RORA: variants seen among roughly 807,000 people sequenced by gnomAD.
RORA encodes nuclear receptor ROR-alpha.
RORA carries 7 observed loss-of-function variants against 69.5 expected under a neutral mutation model. The observed-to-expected ratio is 0.10, with a 90% confidence interval of 0.06 to 0.19. RORA has a LOEUF of 0.19. RORA is among the 10% of genes least tolerant of loss of function. RORA has a pLI of 1.00. For missense variants in RORA, 457 were observed against 663.0 expected, an observed-to-expected ratio of 0.69 and a Z score of 3.41; for synonymous variants, 261 against 240.8, an observed-to-expected ratio of 1.08 and a Z score of -0.78.
In RORA at chr15:60,704,276, G is replaced by T. The variant is rs183959711; in HGVS notation, c.167-25590C>A. 1.1e-4 allele frequency among the ~76,000 whole-genome samples: 16 copies of T among 152,366 alleles called. No individual in the cohort carries two copies. In the East Asian group the frequency reaches 3.1e-3, roughly 29 times the overall value. On this transcript the variant is annotated intron_variant, in intron 1 of 10. Coordinates refer to ENST00000335670, the MANE Select transcript of RORA (RefSeq NM_134261.3). ...TCATGGTTTGGTTTGGAGGTGAGTT[G>T]TAGGAGGGGCCACACCGGCATGCGG...
intron 1 of RORA, among the ~76,000 whole-genome samples, chr15:61,102,942 T>C (rs958473791): frequency 4.6e-5 from 7 of 152,200 alleles, no homozygotes; most frequent in Non-Finnish European, 1.0e-4. Context: ...TTCTGTATTT[T>C]GAATATGAAT....
chr15:60,906,760 T>C (rs1891555597), intron 1 of RORA, among the ~76,000 whole-genome samples: 1 of 152,180 alleles, frequency 6.6e-6, no homozygotes, highest in Non-Finnish European at 1.5e-5. Flanking sequence ...CGGTGGTTAA[T>C]AATAACTAAG....
At chr15:61,129,157 T>A (rs1410573787) in intron 1 of RORA, among the ~76,000 whole-genome samples, 1 of 152,198 alleles carries the variant, frequency 6.6e-6, no homozygotes, top group Non-Finnish European at 1.5e-5. Context: ...ATCTCCTATT[T>A]CTAGATATCT....
chr15:61,164,584 C>T (rs1215936618), intron 1 of RORA, among the ~76,000 whole-genome samples: 1 of 152,174 alleles, frequency 6.6e-6, no homozygotes, highest in African/African-American at 2.4e-5. Context: ...TTGGGTAGAT[C>T]ATATGAGCTC....
In RORA at chr15:61,213,671, CG is replaced by C. The variant is rs1281729008; in HGVS notation, c.166+15381del. ...TCAGTGAGCTTTCCCTAACTCCTCTCGGGGCATTTTCTCCTTCTTCTCTATG... is the reference window on the plus strand; with the variant it reads ...TCAGTGAGCTTTCCCTAACTCCTCTCGGGCATTTTCTCCTTCTTCTCTATG... On this transcript the variant is annotated intron_variant, in intron 1 of 10. Transcript: ENST00000335670. This position sits in a 1 kb window ranked among gnomAD's most constrained non-coding sequence, Gnocchi z 4.1. The C allele has an allele frequency of 6.6e-6, 1 of 152,160 alleles. No individual in the cohort carries two copies. The highest frequency in any genetic ancestry group is 1.5e-5 in the Non-Finnish European group (1 of 68,050). The allele number at this position is 152,160 out of a possible 1,614,324, so 9.4% of individuals were successfully genotyped here.
intron 2 of RORA, among the ~76,000 whole-genome samples, chr15:60,666,231 A>G (rs926086176): frequency 2.0e-5 from 3 of 147,782 alleles, no homozygotes; most frequent in Non-Finnish European, 4.5e-5. Context: ...GCAGTGGTGC[A>G]CTCTCTGCTA....
chr15:61,144,318 C>T (rs1028967809), intron 1 of RORA, among the ~76,000 whole-genome samples: 1 of 152,204 alleles, frequency 6.6e-6, no homozygotes, highest in East Asian at 1.9e-4. Context: ...TTGTCCCAAA[C>T]TGGTAAAAAA....
intron 2 of RORA, among the ~76,000 whole-genome samples, chr15:60,533,687 C>G (rs1161794324): frequency 6.6e-6 from 1 of 152,192 alleles, no homozygotes; most frequent in Non-Finnish European, 1.5e-5. Context: ...TTATTGCCTG[C>G]TTTTCCCTAC....
intron 1 of RORA, 54 bp from the exon 2 acceptor site, chr15:60,678,740 T>C: frequency 6.8e-7 from 1 of 1,465,554 alleles, no homozygotes; most frequent in Non-Finnish European, 9.6e-7. Flanking sequence ...GTGTGCTGCT[T>C]TGAATGTCCG....
intron 2 of RORA, among the ~76,000 whole-genome samples, chr15:60,672,039 C>T (rs891814972): frequency 9.2e-5 from 14 of 152,100 alleles, no homozygotes; most frequent in South Asian, 2.1e-4. Context: ...GTGAGCCACG[C>T]GCATGCCACT....
At chr15:60,542,946 C>T (rs372791312) in intron 2 of RORA, among the ~76,000 whole-genome samples, 1 of 151,046 alleles carries the variant, frequency 6.6e-6, no homozygotes, top group Non-Finnish European at 1.5e-5. Flanking sequence ...ACACTGCACA[C>T]GCACCCTACA....
rs1304843307 is a variant in RORA, at chr15:60,531,662, A to G, written c.282+104T>C. 9.3e-6 allele frequency: 6 copies of G among 643,978 alleles called. No homozygotes were observed. Among genetic ancestry groups the G allele is most frequent in the East Asian group, 3.3e-5 (1 of 30,596 alleles). 39.9% of individuals were successfully genotyped at this position (643,978 alleles called of 1,614,324 possible). ...CTATCCTGTAATTTCTTATCATTCA[A>G]AATTCTAAGGAGTTGAATTTTAAGA... On this transcript the variant is annotated intron_variant, in intron 3 of 10. Coordinates refer to ENST00000335670, the MANE Select transcript of RORA (RefSeq NM_134261.3). This position sits in a 1 kb window ranked among gnomAD's most constrained non-coding sequence, Gnocchi z 4.8.
At chr15:60,604,529 C>A (rs1351188781) in intron 2 of RORA, among the ~76,000 whole-genome samples, 1 of 152,080 alleles carries the variant, frequency 6.6e-6, no homozygotes, top group East Asian at 1.9e-4. Context: ...CATTTATTAT[C>A]TTTTCTGCCT....
intron 1 of RORA, among the ~76,000 whole-genome samples, chr15:60,942,203 C>G (rs1490801554): frequency 2.0e-5 from 3 of 152,122 alleles, no homozygotes; most frequent in Non-Finnish European, 4.4e-5. Flanking sequence ...TGGTCAGCTA[C>G]TGTGCACACA....
chr15:60,719,036 T>G (rs28658108), intron 1 of RORA, among the ~76,000 whole-genome samples: 6,132 of 120,862 alleles, frequency 0.051, 394 homozygotes, highest in African/African-American at 0.17. Flanking sequence ...TGTGTGTGTG[T>G]GGGGGGGGTG....
At chr15:61,185,104 AC>A (rs2079728471) in intron 1 of RORA, among the ~76,000 whole-genome samples, 1 of 152,060 alleles carries the variant, frequency 6.6e-6, no homozygotes, top group South Asian at 2.1e-4. Flanking sequence ...TGCAGGCGTT[AC>A]CTGGAACAAA....
intron 1 of RORA, among the ~76,000 whole-genome samples, chr15:61,218,709 C>CA (rs1491522326): frequency 1.3e-5 from 2 of 151,158 alleles, no homozygotes; most frequent in Middle Eastern, 3.2e-3. Flanking sequence ...CACACACACA[C>CA]AATTTCCTTC....
intron 1 of RORA, among the ~76,000 whole-genome samples, chr15:60,863,801 C>T (rs2140427698): frequency 9.5e-6 from 1 of 105,164 alleles, no homozygotes; most frequent in Non-Finnish European, 1.9e-5. Flanking sequence ...TGCCAACTGT[C>T]AGAATCTTTT....
At chr15:60,971,162 T>C (rs962480344) in intron 1 of RORA, among the ~76,000 whole-genome samples, 1 of 152,200 alleles carries the variant, frequency 6.6e-6, no homozygotes. Flanking sequence ...GAAAGGGACA[T>C]CATGCCATGT....
Sources: allele counts gnomAD v4.1 joint callset (sites outside exome capture counted in the v4.1 genomes callset), GRCh38; gene constraint gnomAD v4.1.1; non-coding constraint Gnocchi (gnomAD v3.1); transcripts MANE v1.5; gene names NCBI Gene and HGNC (gene_info 2026-07-23, HGNC 2026-07-21).